Variants in NLRP6 observed in about 807,000 individuals in gnomAD.
NLRP6 encodes NACHT, LRR and PYD domains-containing protein 6.
NLRP6 carries 55 observed loss-of-function variants against 70.9 expected under a neutral mutation model. That is an observed-to-expected ratio of 0.78 (90% CI 0.62 to 0.97). The LOEUF (loss-of-function observed/expected upper bound fraction) is 0.97. Among genes scored for constraint, NLRP6 ranks in the 50% least tolerant of loss-of-function variants. The pLI, the probability that NLRP6 is intolerant of heterozygous loss-of-function variation, is 0.00. For missense variants in NLRP6, 1,241 were observed against 1,238.3 expected (o/e 1.00, Z -0.03); for synonymous variants, 652 against 581.9 (o/e 1.12, Z -1.73).
intron 5 of NLRP6, among the ~76,000 whole-genome samples, chr11:283,311 C>CTT (rs34619806): frequency 0.02 from 2,338 of 115,380 alleles, 88 homozygotes; most frequent in African/African-American, 0.047. Context: ...ATGTACAGTT[C>CTT]TTTTTTTTTT....
At chr11:279,276 G>A (rs77437489) in intron 1 of NLRP6, 51 bp from the exon 2 acceptor site, 1 of 1,226,174 alleles carries the variant, frequency 8.2e-7, no homozygotes. Context: ...GGGGGCGGGC[G>A]GGGGTCACCC....
In NLRP6 at chr11:280,542, CA is replaced by C; in HGVS notation, c.809del (p.Gln270ArgfsTer39). On this transcript the variant is annotated frameshift_variant, in exon 4 of 8. Coordinates refer to ENST00000534750, the MANE Select transcript of NLRP6 (RefSeq NM_001276700.2). LOFTEE classifies it high-confidence loss of function. ...CGCGCCGGTGCCGCAGATGCTGGCC[CA>C]GCCGCAGCGGCTGCTCTTCATCCTG... ...RGAPVPQMLAQPQRLLFILDG... is the reference protein window; with the variant it reads ...RGAPVPQMLAXPQRLLFILDG... The C allele has an allele frequency of 6.5e-7, 1 of 1,546,444 alleles. No individual in the cohort carries two copies. The highest frequency in any genetic ancestry group is 8.6e-7 in the Non-Finnish European group (1 of 1,158,912).
chr11:283,990 A>C (rs1440366018), intron 5 of NLRP6, among the ~76,000 whole-genome samples: 1 of 152,156 alleles, frequency 6.6e-6, no homozygotes, highest in Admixed American at 6.5e-5. Flanking sequence ...AACATGTTGA[A>C]ACACGTCTCA....
At chr11:284,759 G>C in intron 7 of NLRP6, 117 bp downstream of exon 7, 1 of 970,612 alleles carries the variant, frequency 1.0e-6, no homozygotes, top group Non-Finnish European at 1.5e-6. Flanking sequence ...GACCTCCCAT[G>C]TGACTGAGCT....
In NLRP6 at chr11:280,667, G is replaced by A. The variant is rs767038775; in HGVS notation, c.933G>A (p.Leu311=). ...AASGARVLGG[L]LSKALLPTAL... is the part of the protein sequence containing the mutation. ...GCGGCGCGCGGGTGCTAGGCGGGCT[G>A]CTGAGCAAGGCGCTGCTGCCCACGG... The change falls in exon 4 of 8, where the codon CTG becomes CTA. Residue 311 remains leucine (L), a synonymous_variant. Transcript: ENST00000534750. The A allele has an allele frequency of 6.5e-7, 1 of 1,540,312 alleles. No homozygotes were observed. Among genetic ancestry groups the A allele is most frequent in the Non-Finnish European group, 8.7e-7 (1 of 1,149,992 alleles).
chr11:280,991 C>T lies in NLRP6; in HGVS notation c.1257C>T (p.Tyr419=). ...SRTSKTTTSV[Y]LLFITSVLSS... ...CGTCCAAGACCACCACGTCAGTGTA[C>T]CTGCTTTTCATCACCAGCGTTCTGA... Residue 419 remains tyrosine (Y), a synonymous_variant, in exon 4 of 8, where the codon TAC becomes TAT. Transcript: ENST00000534750. The T allele has an allele frequency of 6.2e-7, 1 of 1,613,182 alleles. No individual in the cohort carries two copies. Among genetic ancestry groups the T allele is most frequent in the Non-Finnish European group, 8.5e-7 (1 of 1,179,978 alleles).
In NLRP6 at chr11:281,368, G is replaced by T. The variant is rs1414214476; in HGVS notation, c.1634G>T (p.Arg545Leu). Residue 545 changes from arginine (R) to leucine (L), a missense_variant, in exon 4 of 8, where the codon CGC becomes CTC. Transcript: ENST00000534750. ...CACAGCCACTTGGTGCTCACCACGC[G>T]CTTCCTCTTCGGACTGCTGAGCGCG... Reference protein sequence around the residue: ...QPHSHLVLTTRFLFGLLSAER... With the variant: ...QPHSHLVLTTLFLFGLLSAER... 1 of 1,610,526 alleles carries T rather than the reference G, an allele frequency of 6.2e-7. No homozygotes were observed. Among genetic ancestry groups the T allele is most frequent in the Admixed American group, 1.7e-5 (1 of 59,564 alleles).
rs758094262 is a variant in NLRP6, at chr11:284,552, TGGATCTCAGC to T, written c.2450_2459del (p.Asp817AlafsTer9). On this transcript the variant is annotated frameshift_variant, in exon 7 of 8. Coordinates refer to ENST00000534750, the MANE Select transcript of NLRP6 (RefSeq NM_001276700.2). LOFTEE classifies it high-confidence loss of function. ...CGGCAGAGCCCTGCCCTGACCACCC[TGGATCTCAGC>T]GGCTGCCAACTGCCCGCCCCCATGG... The T allele has an allele frequency of 8.1e-6, 13 of 1,612,720 alleles. No individual in the cohort carries two copies. The highest frequency in any genetic ancestry group is 1.1e-5 in the Non-Finnish European group (13 of 1,179,874).
rs1590268306 is a variant in NLRP6, at chr11:280,358, G to A, written c.624G>A (p.Lys208=). The change falls in exon 4 of 8, where the codon AAG becomes AAA. Residue 208 remains lysine, a synonymous_variant. Coordinates refer to ENST00000534750, the MANE Select transcript of NLRP6 (RefSeq NM_001276700.2). ...TGCAGGGCCCGGCGGGCATCGGCAA[G>A]ACCATGGCGGCCAAAAAGATCCTGT... The part of the protein sequence containing the change: ...VVLQGPAGIG[K]TMAAKKILYD... The A allele has an allele frequency of 6.5e-7, 1 of 1,536,244 alleles. No individual in the cohort carries two copies. The highest frequency in any genetic ancestry group is 2.0e-5 in the Admixed American group (1 of 50,978).
chr11:279,135 CCGGGGA>C (rs1448564419), intron 1 of NLRP6, 186 bp from the exon 2 acceptor site: 1 of 454,726 alleles, frequency 2.2e-6, no homozygotes, highest in African/African-American at 2.0e-5. Flanking sequence ...CGACCCGGGT[CCGGGGA>C]CGGGGGAGGG....
intron 3 of NLRP6, 85 bp from the exon 4 acceptor site, chr11:279,999 G>A: frequency 1.4e-6 from 2 of 1,415,976 alleles, no homozygotes; most frequent in Non-Finnish European, 1.9e-6. Flanking sequence ...GGCCTGAGCA[G>A]GGCCGGGGAG....
Position 281,800 on chromosome 11 carries a change from G to T in NLRP6, c.2066G>T (p.Ser689Ile), listed in dbSNP as rs1460648401. The change falls in exon 4 of 8, where the codon AGC (serine) becomes ATC (isoleucine). Residue 689 changes from serine to isoleucine, a missense_variant. By Grantham distance (142) the Ser-to-Ile change is moderately radical. Transcript: ENST00000534750. ...LVAAQEKKKKSLGKRLQASLG... is the reference protein window; with the variant it reads ...LVAAQEKKKKILGKRLQASLG... ...GCTGCGCAGGAGAAGAAGAAGAAGA[G>T]CCTGGGGAAGCGGCTCCAGGCCAGC... 1.3e-6 allele frequency: 2 copies of T among 1,594,274 alleles called. No individual in the cohort carries two copies. Among genetic ancestry groups the T allele is most frequent in the Non-Finnish European group, 1.7e-6 (2 of 1,173,650 alleles).
intron 7 of NLRP6, 141 bp downstream of exon 7, chr11:284,783 G>A (rs1401636702): frequency 1.2e-6 from 1 of 818,120 alleles, no homozygotes; most frequent in Non-Finnish European, 1.9e-6. Context: ...ACACTGACCT[G>A]GGAGCCCAGC....
rs1440143908 is a variant in NLRP6 at position 280,123 on chromosome 11, A to C, written c.389A>C (p.His130Pro). 6.5e-7 allele frequency: 1 copy of C among 1,533,042 alleles called. No individual in the cohort carries two copies. Among genetic ancestry groups the C allele is most frequent in the Non-Finnish European group, 8.8e-7 (1 of 1,142,144 alleles). The allele number at this position is 1,533,042 out of a possible 1,614,324, so 95.0% of individuals were successfully genotyped here. ...TACCGGGAGCACGTGCTGCAGCTGC[A>C]CGCTCGGGTGAAGGAGAGGAACGCC... ...KKYREHVLQL[H>P]ARVKERNARS... The change falls in exon 4 of 8, where the codon CAC becomes CCC. Residue 130 changes from histidine (H) to proline (P), a missense_variant. His to Pro is a moderately conservative substitution (Grantham distance 77, BLOSUM62 -2). Coordinates refer to ENST00000534750, the MANE Select transcript of NLRP6 (RefSeq NM_001276700.2).
Position 280,443 on chromosome 11 carries a change from T to C in NLRP6, c.709T>C (p.Cys237Arg). The C allele has an allele frequency of 1.3e-6, 2 of 1,592,008 alleles. No individual in the cohort carries two copies. Among genetic ancestry groups the C allele is most frequent in the Non-Finnish European group, 1.7e-6 (2 of 1,177,424 alleles). The stretch of plus-strand genomic sequence containing the variant: ...GGTGGACTTCGCCTTCTTCATGCCC[T>C]GCGGCGAGCTGCTGGAGAGGCCGGG... Reference protein sequence around the residue: ...GQVDFAFFMPCGELLERPGTR... With the variant: ...GQVDFAFFMPRGELLERPGTR... The change falls in exon 4 of 8, where the codon TGC (cysteine) becomes CGC (arginine). Residue 237 changes from cysteine (C) to arginine (R), a missense_variant. Cys to Arg is a radical substitution (Grantham distance 180). Transcript: ENST00000534750.
chr11:284,758 T>C (rs1455990110), intron 7 of NLRP6, 116 bp downstream of exon 7: 36 of 979,128 alleles, frequency 3.7e-5, no homozygotes, highest in Non-Finnish European at 5.2e-5. Context: ...AGACCTCCCA[T>C]GTGACTGAGC....
Position 282,688 on chromosome 11 carries a change from C to CCT in NLRP6, c.2106-9_2106-8dup. The CCT allele has an allele frequency of 6.2e-7, 1 of 1,602,720 alleles. No individual in the cohort carries two copies. The highest frequency in any genetic ancestry group is 1.3e-5 in the African/African-American group (1 of 74,812). ...TGAGGAGCAGGGTGGGCTTCACCTT[C>CCT]CTCTCTCTCCCAGCAGTTCTCAAGG... On this transcript the variant is annotated splice_polypyrimidine_tract_variant and intron_variant, in intron 4 of 7. Coordinates refer to ENST00000534750, the MANE Select transcript of NLRP6 (RefSeq NM_001276700.2).
At chr11:279,206 G>T in intron 1 of NLRP6, 121 bp from the exon 2 acceptor site, 3 of 871,466 alleles carry the variant, frequency 3.4e-6, no homozygotes, top group Non-Finnish European at 4.5e-6. Context: ...GGATCCAGAC[G>T]ATGCTTGGCC....
intron 2 of NLRP6, 74 bp downstream of exon 2, chr11:279,681 C>A (rs1845438490): frequency 1.5e-6 from 2 of 1,360,642 alleles, no homozygotes; most frequent in Non-Finnish European, 1.9e-6. Flanking sequence ...CCCGGAGAAG[C>A]CCCGGCGCGG....
Sources: gnomAD v4.1 joint callset for allele counts (sites outside exome capture counted in the v4.1 genomes callset) on GRCh38, gnomAD v4.1.1 for gene constraint, MANE v1.5 for transcripts, NCBI Gene and HGNC (gene_info 2026-07-23, HGNC 2026-07-21) for gene names.